Variants in SLC2A9 observed in about 807,000 individuals in gnomAD.
SLC2A9 encodes solute carrier family 2 member 9, also known as solute carrier family 2, facilitated glucose transporter member 9.
In SLC2A9, 39 loss-of-function variants were observed where a neutral mutation model predicts 50.6. That is an observed-to-expected ratio of 0.77 (90% CI 0.60 to 1.01). SLC2A9 has a LOEUF of 1.01. Ranked by LOEUF, SLC2A9 falls within the 50% of genes least tolerant of loss-of-function variation. SLC2A9 has a pLI of 0.00. For synonymous variants in SLC2A9, 324 were observed against 276.9 expected, an observed-to-expected ratio of 1.17 and a Z score of -1.69; for missense variants, 686 against 677.6, an observed-to-expected ratio of 1.01 and a Z score of -0.14.
At chr4:9,918,956 G>T (rs1215987846) in intron 7 of SLC2A9, among the ~76,000 whole-genome samples, 2 of 152,184 alleles carry the variant, frequency 1.3e-5, no homozygotes, top group East Asian at 3.9e-4. Flanking sequence ...AGTCAGTGCG[G>T]CTTGCAGGTA....
At chr4:9,982,734 T>A (rs1756087068) in intron 4 of SLC2A9, among the ~76,000 whole-genome samples, 1 of 152,190 alleles carries the variant, frequency 6.6e-6, no homozygotes, top group Non-Finnish European at 1.5e-5. Context: ...AAATCCTAGA[T>A]CTGTACTTTA....
chr4:10,003,509 C>T (rs1300270131), intron 2 of SLC2A9, among the ~76,000 whole-genome samples: 9 of 152,188 alleles, frequency 5.9e-5, no homozygotes, highest in Admixed American at 5.9e-4. Flanking sequence ...AGAAGACTTG[C>T]TGCATAGCCT....
chr4:9,791,753 G>T (rs1330442547), intron 3 of SLC2A9, among the ~76,000 whole-genome samples: 1 of 152,114 alleles, frequency 6.6e-6, no homozygotes, highest in Non-Finnish European at 1.5e-5. Context: ...CCTCAGTTGA[G>T]CCTTCAGATG....
At chr4:9,782,341 C>G in intron 3 of SLC2A9, 1 of 1,614,030 alleles carries the variant, frequency 6.2e-7, no homozygotes, top group Non-Finnish European at 8.5e-7. Context: ...CCGAGGTGGC[C>G]GGTTACTGGC....
intron 5 of SLC2A9, among the ~76,000 whole-genome samples, chr4:9,956,124 C>T (rs1322636696): frequency 6.6e-6 from 1 of 151,814 alleles, no homozygotes; most frequent in African/African-American, 2.4e-5. Context: ...GGTGATCGAC[C>T]TGCCTCGGCC....
At chr4:10,025,946 G>A (rs144215444), upstream of SLC2A9, 5,197 of 1,613,744 alleles carry the variant, frequency 3.2e-3, 5 homozygotes, top group Non-Finnish European at 4.0e-3. Context: ...CTTCTCCTCG[G>A]TCCTTTTTAC....
intron 10 of SLC2A9, among the ~76,000 whole-genome samples, chr4:9,876,044 G>A (rs1002286746): frequency 4.6e-5 from 7 of 152,206 alleles, no homozygotes; most frequent in Non-Finnish European, 4.4e-5. Flanking sequence ...ATGCTTTGTC[G>A]ACAGGGGTGA....
At chr4:9,882,711 GA>G (rs11355082) in intron 10 of SLC2A9, among the ~76,000 whole-genome samples, 15,057 of 118,806 alleles carry the variant, frequency 0.13, 866 homozygotes, top group African/African-American at 0.19. Context: ...TCTGTCTCAA[GA>G]AAAAAAAAAA....
intron 10 of SLC2A9, among the ~76,000 whole-genome samples, chr4:9,850,815 C>G (rs918522579): frequency 6.6e-6 from 1 of 152,148 alleles, no homozygotes; most frequent in Non-Finnish European, 1.5e-5. Flanking sequence ...GCCACCACTG[C>G]TGGCATGTGC....
chr4:9,844,149 T>TGTAA (rs1728535416), intron 10 of SLC2A9, among the ~76,000 whole-genome samples: 1 of 66,856 alleles, frequency 1.5e-5, no homozygotes, highest in Non-Finnish European at 2.5e-5. Flanking sequence ...CCAGATTTAG[T>TGTAA]AAAAAAAAAA....
chr4:9,913,064 G>A lies in SLC2A9; in HGVS notation c.1003-4719C>T, dbSNP rs117212874. 7.8e-4 allele frequency among the ~76,000 whole-genome samples: 119 copies of A among 152,306 alleles called. 3 individuals are homozygous for A. The East Asian group carries it at 0.021, about 27-fold the overall frequency. On this transcript the variant is annotated intron_variant, in intron 7 of 11. Coordinates refer to ENST00000264784, the MANE Select transcript of SLC2A9 (RefSeq NM_020041.3). The stretch of plus-strand genomic sequence containing the variant: ...TAGAAGTTGGGAATGTCAAGGAAGT[G>A]GATGATCCCTCTGGAGTCTCCAGAA...
intron 2 of SLC2A9, among the ~76,000 whole-genome samples, chr4:10,014,657 G>A (rs1028454258): frequency 1.3e-4 from 20 of 152,208 alleles, no homozygotes; most frequent in African/African-American, 4.8e-4. Context: ...TCCCCAGGTA[G>A]AATACAGTCC....
chr4:9,835,682 T>C (rs1217182913), intron 10 of SLC2A9, among the ~76,000 whole-genome samples: 4 of 152,190 alleles, frequency 2.6e-5, no homozygotes, highest in South Asian at 2.1e-4. Context: ...CCTTGTCTGC[T>C]GGGATGACTT....
Position 10,039,608 on chromosome 4 carries a change from T to A in SLC2A9, c.-41+522A>T, listed in dbSNP as rs371706125. 5.9e-5 allele frequency among the ~76,000 whole-genome samples: 9 copies of A among 152,276 alleles called. 1 individual carries two copies. In the South Asian group the frequency reaches 1.0e-3, roughly 18 times the overall value. On this transcript the variant is annotated intron_variant, in intron 1 of 12. Transcript: ENST00000309065. ...TCCTGGATCCCCACATTCAGGGGGT[T>A]CTATCTCTGAAGATGGTTCTAACTT...
intron 10 of SLC2A9, among the ~76,000 whole-genome samples, chr4:9,868,519 C>G (rs931110376): frequency 6.6e-6 from 1 of 152,224 alleles, no homozygotes; most frequent in Non-Finnish European, 1.5e-5. Flanking sequence ...CCATTTATTT[C>G]AATTGGGTAC....
chr4:9,970,125 C>G (rs7439210), intron 5 of SLC2A9, among the ~76,000 whole-genome samples: 40,675 of 152,044 alleles, frequency 0.27, 6,206 homozygotes, highest in African/African-American at 0.4. Context: ...GTGACACACA[C>G]TCCCGCTAGG....
intron 2 of SLC2A9, among the ~76,000 whole-genome samples, chr4:10,012,742 G>T (rs1407850319): frequency 6.6e-6 from 1 of 152,162 alleles, no homozygotes; most frequent in Non-Finnish European, 1.5e-5. Context: ...AGGCTCTGAG[G>T]TTCCAGCGTG....
chr4:9,913,707 T>C (rs544723955), intron 7 of SLC2A9, among the ~76,000 whole-genome samples: 51 of 152,300 alleles, frequency 3.3e-4, no homozygotes, highest in Non-Finnish European at 6.6e-4. Context: ...GAGATGTGTC[T>C]GCTGCCTCCA....
Position 9,838,204 on chromosome 4 carries a change from G to GA in SLC2A9, c.1292-3197dup, listed in dbSNP as rs552102911. On this transcript the variant is annotated intron_variant, in intron 10 of 11. Transcript: ENST00000264784. ...TATGCAAGGTTTCTTAGCAAGAAGTGATGGTGATGAAGAAGATGATGATGG... is the reference window on the plus strand; with the variant it reads ...TATGCAAGGTTTCTTAGCAAGAAGTGAATGGTGATGAAGAAGATGATGATGG... Among the ~76,000 whole-genome samples the GA allele has an allele frequency of 1.6e-3, 243 of 152,258 alleles. 1 individual carries two copies. The highest frequency in any genetic ancestry group is 5.6e-3 in the African/African-American group (234 of 41,552).
Sources: gnomAD v4.1 joint callset for allele counts (sites outside exome capture counted in the v4.1 genomes callset) on GRCh38, gnomAD v4.1.1 for gene constraint, MANE v1.5 for transcripts, NCBI Gene and HGNC (gene_info 2026-07-23, HGNC 2026-07-21) for gene names.